The following EBF1 variants were observed in gnomAD, a reference collection of about 807,000 sequenced individuals.
EBF1 encodes the protein transcription factor COE1.
A neutral mutation model predicts 68.4 loss-of-function variants in EBF1; 10 were observed. That is an observed-to-expected ratio of 0.15 (90% confidence interval 0.09 to 0.25). The LOEUF is 0.25. Among genes scored for constraint, EBF1 ranks in the 10% least tolerant of loss-of-function variants. EBF1 has a pLI of 1.00. For synonymous variants in EBF1, 298 were observed against 299.8 expected, an observed-to-expected ratio of 0.99 and a Z score of 0.06; for missense variants, 509 against 794.4, an observed-to-expected ratio of 0.64 and a Z score of 4.32.
At chr5:158,829,884 C>CAT (rs1261453030) in intron 7 of EBF1, among the ~76,000 whole-genome samples, 1 of 152,164 alleles carries the variant, frequency 6.6e-6, no homozygotes, top group Non-Finnish European at 1.5e-5. Context: ...AGTAAGGCTG[C>CAT]ATACTGAAAT....
chr5:158,732,221 T>A (rs1190884133), intron 10 of EBF1, among the ~76,000 whole-genome samples: 2 of 152,194 alleles, frequency 1.3e-5, no homozygotes, highest in African/African-American at 4.8e-5. Flanking sequence ...TTCTGACATT[T>A]AGCTATACAT....
At chr5:158,754,017 A>T (rs1053703897) in intron 10 of EBF1, among the ~76,000 whole-genome samples, 1 of 152,030 alleles carries the variant, frequency 6.6e-6, no homozygotes, top group South Asian at 2.1e-4. Flanking sequence ...TTGCAAGTCT[A>T]GAGTGCTTCT....
chr5:158,820,047 C>T (rs1026020099), intron 8 of EBF1, among the ~76,000 whole-genome samples: 6 of 152,142 alleles, frequency 3.9e-5, no homozygotes, highest in Non-Finnish European at 7.3e-5. Context: ...CGATCTCTGT[C>T]TCTACTTATA....
intron 5 of EBF1, among the ~76,000 whole-genome samples, chr5:159,083,088 A>G (rs1684538284): frequency 6.6e-6 from 1 of 152,376 alleles, no homozygotes; most frequent in South Asian, 2.1e-4. Context: ...TCTATGATAT[A>G]TAGATGTTAT....
rs568808806 is a variant in EBF1 at position 158,737,574 on chromosome 5, G to A, written c.1037-6417C>T. ...GCTGGGATTACAACCGTGAGCCACC[G>A]CGTCCGATCACCCTGATGTCTTATT... is the stretch of plus-strand genomic sequence containing the variant. On this transcript the variant is annotated intron_variant, in intron 10 of 15. Transcript: ENST00000313708. Among the ~76,000 whole-genome samples, 3 of 152,106 alleles carry A rather than the reference G, an allele frequency of 2.0e-5. No individual in the cohort carries two copies. In the South Asian group the frequency reaches 6.2e-4, roughly 32 times the overall value.
Position 158,712,968 on chromosome 5 carries a change from A to G in EBF1, c.1369+2T>C. On this transcript the variant is annotated splice_donor_variant, in intron 13 of 15. Transcript: ENST00000313708. LOFTEE classifies it high-confidence loss of function. ...GAGGGAAGAGAAAAGCAAGCTTCTG[A>G]CCCTGATTGGTGGCTTGTGATGCCT... 1 of 1,482,494 alleles carries G rather than the reference A, an allele frequency of 6.7e-7. No individual in the cohort carries two copies. 91.8% of individuals were successfully genotyped at this position (1,482,494 alleles called of 1,614,324 possible).
intron 6 of EBF1, among the ~76,000 whole-genome samples, chr5:158,893,024 A>C (rs1801484152): frequency 1.3e-5 from 2 of 152,024 alleles, no homozygotes; most frequent in South Asian, 4.2e-4. Flanking sequence ...CACAATATTT[A>C]TCCTTCTCCC....
intron 6 of EBF1, among the ~76,000 whole-genome samples, chr5:158,942,785 C>A (rs887856607): frequency 6.6e-6 from 1 of 150,730 alleles, no homozygotes; most frequent in Non-Finnish European, 1.5e-5. Flanking sequence ...TGGCGCCATA[C>A]ATCTCCAGAA....
At chr5:158,733,811 C>T (rs1398015850) in intron 10 of EBF1, among the ~76,000 whole-genome samples, 1 of 152,130 alleles carries the variant, frequency 6.6e-6, no homozygotes, top group African/African-American at 2.4e-5. Context: ...ACAAAGCTAA[C>T]ATTAAAGATG....
intron 10 of EBF1, among the ~76,000 whole-genome samples, chr5:158,739,370 G>T (rs1219386197): frequency 6.6e-6 from 1 of 152,204 alleles, no homozygotes; most frequent in Non-Finnish European, 1.5e-5. Flanking sequence ...AGCTGCCCCT[G>T]TTACTGTGTT....
chr5:159,070,113 T>C (rs1271208142), intron 6 of EBF1, among the ~76,000 whole-genome samples: 4 of 152,194 alleles, frequency 2.6e-5, no homozygotes, highest in African/African-American at 9.7e-5. Flanking sequence ...CAGTTCCTGG[T>C]TATTTGCTAT....
chr5:159,051,887 G>C (rs760116962), intron 6 of EBF1, among the ~76,000 whole-genome samples: 8 of 152,100 alleles, frequency 5.3e-5, no homozygotes, highest in Non-Finnish European at 1.2e-4. Flanking sequence ...ATCACAATTT[G>C]TTGAAACCCC....
chr5:159,036,214 T>C (rs1167949390), intron 6 of EBF1, among the ~76,000 whole-genome samples: 1 of 152,184 alleles, frequency 6.6e-6, no homozygotes, highest in Non-Finnish European at 1.5e-5. Context: ...ATACCTTGCT[T>C]CTGATAAGAA....
intron 6 of EBF1, among the ~76,000 whole-genome samples, chr5:158,943,337 C>T (rs918904443): frequency 2.3e-4 from 11 of 48,550 alleles, no homozygotes; most frequent in Non-Finnish European, 6.1e-4. Context: ...TGGATACACA[C>T]ACACACACAC....
At chr5:159,075,410 C>T (rs1401261679) in intron 5 of EBF1, among the ~76,000 whole-genome samples, 1 of 152,196 alleles carries the variant, frequency 6.6e-6, no homozygotes, top group African/African-American at 2.4e-5. Flanking sequence ...AGGAAAACTG[C>T]CGGTTGAGAA....
chr5:158,883,309 T>C (rs1489853747), intron 6 of EBF1, among the ~76,000 whole-genome samples: 1 of 144,088 alleles, frequency 6.9e-6, no homozygotes, highest in Non-Finnish European at 1.6e-5. Flanking sequence ...TATATATACA[T>C]ACATACATGT....
intron 6 of EBF1, among the ~76,000 whole-genome samples, chr5:158,947,492 C>A (rs1815027576): frequency 6.6e-6 from 1 of 152,232 alleles, no homozygotes. Flanking sequence ...GCGCCCCGTC[C>A]TGCTTCTGCT....
intron 6 of EBF1, among the ~76,000 whole-genome samples, chr5:158,879,865 G>C (rs970895727): frequency 7.2e-5 from 11 of 152,314 alleles, no homozygotes; most frequent in Middle Eastern, 3.4e-3. Context: ...TGAGAGCAGA[G>C]ATTGGGCCAC....
chr5:158,936,552 G>C (rs988593752), intron 6 of EBF1, among the ~76,000 whole-genome samples: 5 of 152,190 alleles, frequency 3.3e-5, no homozygotes, highest in African/African-American at 1.2e-4. Context: ...GGTAGGCTTC[G>C]TAGGCTTACC....
Sources: gnomAD v4.1 joint callset for allele counts (sites outside exome capture counted in the v4.1 genomes callset) on GRCh38, gnomAD v4.1.1 for gene constraint, MANE v1.5 for transcripts, NCBI Gene and HGNC (gene_info 2026-07-23, HGNC 2026-07-21) for gene names.